The following GIMAP8 variants were observed in gnomAD, a reference collection of about 807,000 sequenced individuals.
The protein encoded by GIMAP8 is GTPase IMAP family member 8.
In GIMAP8, 29 loss-of-function variants were observed where a neutral mutation model predicts 35.6. The observed-to-expected ratio is 0.81, with a 90% CI of 0.61 to 1.11. The LOEUF is 1.11. Ranked by LOEUF, GIMAP8 falls within the 50% of genes most tolerant of loss-of-function variation. GIMAP8 has a pLI of 0.00. For missense variants in GIMAP8, 811 were observed against 805.0 expected, an observed-to-expected ratio of 1.01 and a Z score of -0.09; for synonymous variants, 335 against 308.7, an observed-to-expected ratio of 1.09 and a Z score of -0.89.
Position 150,451,679 on chromosome 7 carries a change from C to T in GIMAP8, c.-29+504C>T, listed in dbSNP as rs980412068. ...CGCAGAGCAGCCCCCAGGAGGAAGC[C>T]AGCGGAGCTCCTCCCGCAAAGCAGG... On this transcript the variant is annotated intron_variant, in intron 1 of 4. Transcript: ENST00000307271. This position sits in a 1 kb window ranked among gnomAD's most constrained non-coding sequence, Gnocchi z 4.1. Among the ~76,000 whole-genome samples the T allele has an allele frequency of 7.2e-5, 11 of 152,158 alleles. No individual in the cohort carries two copies. Among genetic ancestry groups the T allele is most frequent in the Admixed American group, 6.5e-4 (10 of 15,282 alleles).
rs1306013835 is a variant in GIMAP8, at chr7:150,477,666, TG to T, written c.1887del (p.Trp630GlyfsTer14). On this transcript the variant is annotated frameshift_variant, in exon 5 of 5. Coordinates refer to ENST00000307271, the MANE Select transcript of GIMAP8 (RefSeq NM_175571.4). LOFTEE classifies it low-confidence loss of function (END_TRUNC). ...AGGTCAATGATCTGAGAAAAGAAAGTGGGTGGTCCGGGTATCCCCATACACA... is the reference window on the plus strand; with the variant it reads ...AGGTCAATGATCTGAGAAAAGAAAGTGGTGGTCCGGGTATCCCCATACACA... ...TKVNDLRKES[G>X]WSGYPHTQEN... 1 of 1,614,172 alleles carries T rather than the reference TG, an allele frequency of 6.2e-7. No homozygotes were observed. The highest frequency in any genetic ancestry group is 8.5e-7 in the Non-Finnish European group (1 of 1,180,024).
chr7:150,466,729 C>G lies in GIMAP8; in HGVS notation c.31C>G (p.Leu11Val). The G allele has an allele frequency of 6.2e-7, 1 of 1,614,202 alleles. No individual in the cohort carries two copies. Among genetic ancestry groups the G allele is most frequent in the East Asian group, 2.2e-5 (1 of 44,882 alleles). MSEQSCQMSE[L>V]RLLLLGKCRS... ...AGAGCAGAGCTGCCAGATGTCCGAA[C>G]TGCGGCTCCTCCTCCTGGGAAAATG... is the stretch of plus-strand genomic sequence containing the variant. Residue 11 changes from leucine to valine, a missense_variant, in exon 2 of 5, where the codon CTG (leucine) becomes GTG (valine). Physicochemically the swap from Leu to Val is conservative, Grantham distance 32 (BLOSUM62 1). Coordinates refer to ENST00000307271, the MANE Select transcript of GIMAP8 (RefSeq NM_175571.4).
chr7:150,451,624 G>T lies in GIMAP8; in HGVS notation c.-29+449G>T, dbSNP rs4302764. Reference sequence around the variant, plus strand: ...GAGGAAGAAGCAGGCGGAAGCAGCCGGTCAGATGCCCCATGAAGCTAGATG... The same window carrying T: ...GAGGAAGAAGCAGGCGGAAGCAGCCTGTCAGATGCCCCATGAAGCTAGATG... On this transcript the variant is annotated intron_variant, in intron 1 of 4. Transcript: ENST00000307271. This position sits in a 1 kb window ranked among gnomAD's most constrained non-coding sequence, Gnocchi z 4.1. Among the ~76,000 whole-genome samples the T allele has an allele frequency of 0.28, 42,376 of 151,984 alleles. 6,409 individuals are homozygous for T. The highest frequency in any genetic ancestry group is 0.41 in the East Asian group (2,118 of 5,144).
At chr7:150,473,739 G>A (rs1802146938) in intron 3 of GIMAP8, among the ~76,000 whole-genome samples, 1 of 151,466 alleles carries the variant, frequency 6.6e-6, no homozygotes, top group Non-Finnish European at 1.5e-5. Flanking sequence ...CAAAATGAGG[G>A]GAACCCTGAG....
At position 150,477,672 on chromosome 7, in the gene GIMAP8, G is replaced by C. The variant is rs1241249950; in HGVS notation, c.1890G>C (p.Trp630Cys). Reference sequence around the variant, plus strand: ...ATGATCTGAGAAAAGAAAGTGGGTGGTCCGGGTATCCCCATACACAGGAGA... The same window carrying C: ...ATGATCTGAGAAAAGAAAGTGGGTGCTCCGGGTATCCCCATACACAGGAGA... ...KVNDLRKESG[W>C]SGYPHTQENV... is the part of the protein sequence containing the mutation. Residue 630 changes from tryptophan (W) to cysteine (C), a missense_variant, in exon 5 of 5, where the codon TGG becomes TGC. Coordinates refer to ENST00000307271, the MANE Select transcript of GIMAP8 (RefSeq NM_175571.4). The C allele has an allele frequency of 6.2e-7, 1 of 1,614,184 alleles. No individual in the cohort carries two copies. The highest frequency in any genetic ancestry group is 8.5e-7 in the Non-Finnish European group (1 of 1,180,024).
intron 1 of GIMAP8, among the ~76,000 whole-genome samples, chr7:150,463,334 A>G (rs920084952): frequency 9.9e-5 from 15 of 152,102 alleles, no homozygotes; most frequent in Admixed American, 1.3e-4. Context: ...CTCTTCAAGC[A>G]TTCCAATATT....
intron 2 of GIMAP8, 105 bp downstream of exon 2, chr7:150,467,439 T>A: frequency 1.1e-6 from 1 of 878,708 alleles, no homozygotes. Flanking sequence ...GGAACATGGG[T>A]TTTGTTTAAT....
At position 150,477,715 on chromosome 7, in the gene GIMAP8, A is replaced by G. The variant is rs1802272129; in HGVS notation, c.1933A>G (p.Lys645Glu). ...HTQENVSKLI[K>E]NVQEMSQAEK... ...ACAGGAGAACGTCAGCAAACTAATT[A>G]AAAATGTCCAGGAAATGTCCCAAGC... The change falls in exon 5 of 5, where the codon AAA (lysine) becomes GAA (glutamate). Residue 645 changes from lysine (K) to glutamate (E), a missense_variant. Physicochemically the swap from Lys to Glu is moderately conservative, Grantham distance 56 (BLOSUM62 1). Coordinates refer to ENST00000307271, the MANE Select transcript of GIMAP8 (RefSeq NM_175571.4). The G allele has an allele frequency of 6.2e-7, 1 of 1,614,138 alleles. No individual in the cohort carries two copies. The highest frequency in any genetic ancestry group is 1.1e-5 in the South Asian group (1 of 91,074).
chr7:150,473,708 C>T (rs930260786), intron 3 of GIMAP8, among the ~76,000 whole-genome samples: 2 of 151,250 alleles, frequency 1.3e-5, no homozygotes, highest in African/African-American at 4.9e-5. Flanking sequence ...TTTGGTAGGC[C>T]CCAGTACTTA....
In GIMAP8 at chr7:150,469,057, A is replaced by G. The variant is rs1003398440; in HGVS notation, c.636+1723A>G. Among the ~76,000 whole-genome samples, 3 of 152,218 alleles carry G rather than the reference A, an allele frequency of 2.0e-5. No individual in the cohort carries two copies. The East Asian group carries it at 5.8e-4, about 29-fold the overall frequency. ...GAAACCCTCTGGTTTTACATGCTCC[A>G]GTGACTTCCTGCTGATCATAAGGTA... On this transcript the variant is annotated intron_variant, in intron 2 of 4. Transcript: ENST00000307271.
chr7:150,467,289 A>T lies in GIMAP8; in HGVS notation c.591A>T (p.Gly197=). 2 of 1,614,184 alleles carry T rather than the reference A, an allele frequency of 1.2e-6. No homozygotes were observed. Among genetic ancestry groups the T allele is most frequent in the Non-Finnish European group, 1.7e-6 (2 of 1,179,992 alleles). Residue 197 remains glycine, a synonymous_variant, in exon 2 of 5, where the codon GGA becomes GGT. Coordinates refer to ENST00000307271, the MANE Select transcript of GIMAP8 (RefSeq NM_175571.4). ...TTGAGTCTTTGGTGAATACGAACGG[A>T]GGACCCTATCATGTGAACTTCAAAA... ...RKVESLVNTN[G]GPYHVNFKTE... is the part of the protein sequence containing the mutation.
At chr7:150,475,530 C>T (rs1201643430) in intron 4 of GIMAP8, among the ~76,000 whole-genome samples, 4 of 152,138 alleles carry the variant, frequency 2.6e-5, no homozygotes, top group Admixed American at 6.5e-5. Flanking sequence ...GTACTGTTGC[C>T]CAGAGCTTGG....
At position 150,467,205 on chromosome 7, in the gene GIMAP8, C is replaced by T. The variant is rs776872577; in HGVS notation, c.507C>T (p.Asn169=). The T allele has an allele frequency of 6.2e-7, 1 of 1,614,220 alleles. No individual in the cohort carries two copies. Among genetic ancestry groups the T allele is most frequent in the Admixed American group, 1.7e-5 (1 of 60,028 alleles). ...QDYEGRYCIF[N]NKTNSKDEQI... ...ATGAGGGCCGATACTGCATTTTCAA[C>T]AACAAGACCAATAGTAAGGATGAGC... The change falls in exon 2 of 5, where the codon AAC becomes AAT. Residue 169 remains asparagine, a synonymous_variant. Transcript: ENST00000307271.
chr7:150,460,919 G>A (rs191595772), intron 1 of GIMAP8, among the ~76,000 whole-genome samples: 3 of 152,344 alleles, frequency 2.0e-5, no homozygotes, highest in Admixed American at 1.3e-4. Flanking sequence ...AGTGTTCAGT[G>A]TCTACTAAGG....
At chr7:150,474,720 T>G (rs879547014) in intron 4 of GIMAP8, 82 bp downstream of exon 4, 166 of 903,152 alleles carry the variant, frequency 1.8e-4, no homozygotes, top group Non-Finnish European at 2.4e-4. Context: ...TTTATTTTCT[T>G]TTTTTTCTTT....
intron 1 of GIMAP8, among the ~76,000 whole-genome samples, chr7:150,453,933 G>A (rs1177602804): frequency 6.6e-6 from 1 of 151,896 alleles, no homozygotes; most frequent in African/African-American, 2.4e-5. Context: ...TAGGTATGGG[G>A]TGGGGGTGTC....
chr7:150,454,619 A>T (rs1801688559), intron 1 of GIMAP8, among the ~76,000 whole-genome samples: 1 of 152,202 alleles, frequency 6.6e-6, no homozygotes, highest in Admixed American at 6.5e-5. Context: ...GTACCACAGT[A>T]ACAGGCTGCA....
At chr7:150,474,813 C>T (rs71537965) in intron 4 of GIMAP8, among the ~76,000 whole-genome samples, 175 bp downstream of exon 4, 22,838 of 150,988 alleles carry the variant, frequency 0.15, 2,033 homozygotes, top group Non-Finnish European at 0.19. Flanking sequence ...CATGCTGGTG[C>T]GCTGCACCCA....
chr7:150,461,628 A>C (rs1449410357), intron 1 of GIMAP8, among the ~76,000 whole-genome samples: 1 of 152,166 alleles, frequency 6.6e-6, no homozygotes, highest in African/African-American at 2.4e-5. Context: ...AATTTCTTGT[A>C]AGCAGCATAT....
Sources: allele counts gnomAD v4.1 joint callset (sites outside exome capture counted in the v4.1 genomes callset), GRCh38; gene constraint gnomAD v4.1.1; non-coding constraint Gnocchi (gnomAD v3.1); transcripts MANE v1.5; gene names NCBI Gene and HGNC (gene_info 2026-07-23, HGNC 2026-07-21).